The following DNAH10 variants were observed in gnomAD, a reference collection of about 807,000 sequenced individuals.
DNAH10 encodes the protein dynein axonemal heavy chain 10, also known as axonemal beta dynein heavy chain 10.
In DNAH10, 348 loss-of-function variants were observed where a neutral mutation model predicts 506.6. That is an observed-to-expected ratio of 0.69 (90% CI 0.63 to 0.75). DNAH10 has a LOEUF of 0.75. DNAH10 is among the 30% of genes least tolerant of loss of function. The pLI, the probability that DNAH10 is intolerant of heterozygous loss-of-function variation, is 0.00. For missense variants in DNAH10, 5,179 were observed against 5,787.1 expected (o/e 0.89, Z 3.41); for synonymous variants, 2,059 against 2,198.6 (o/e 0.94, Z 1.78).
At chr12:123,923,686 GCA>G in intron 65 of DNAH10, 75 bp from the exon 66 acceptor site, 2 of 944,126 alleles carry the variant, frequency 2.1e-6, no homozygotes, top group Non-Finnish European at 3.2e-6. Context: ...TTACGTTTAA[GCA>G]CAGTGTGCAT....
At chr12:123,779,731 C>T (rs1957574568) in intron 5 of DNAH10, among the ~76,000 whole-genome samples, 1 of 152,150 alleles carries the variant, frequency 6.6e-6, no homozygotes, top group Non-Finnish European at 1.5e-5. Flanking sequence ...GGAACTTCAA[C>T]TGCACAGTGA....
chr12:123,786,778 G>T (rs1467941496), intron 9 of DNAH10, among the ~76,000 whole-genome samples: 2 of 102,366 alleles, frequency 2.0e-5, no homozygotes, highest in Non-Finnish European at 4.2e-5. Flanking sequence ...CACCTTTGAG[G>T]GTGTAGGGAG....
Position 123,845,692 on chromosome 12 carries a change from C to A in DNAH10, c.5453C>A (p.Ala1818Glu), listed in dbSNP as rs150137374. 216 of 1,613,532 alleles carry A rather than the reference C, an allele frequency of 1.3e-4. No homozygotes were observed. Among genetic ancestry groups the A allele is most frequent in the African/African-American group, 6.0e-4 (45 of 74,910 alleles). Residue 1818 changes from alanine (A) to glutamate (E), a missense_variant, in exon 31 of 79, where the codon GCG becomes GAG. By Grantham distance (107) the Ala-to-Glu change is moderately radical. Around this residue, in one of 3 missense-constraint regions of DNAH10, gnomAD observed 4,844 missense variants for 5,430.5 expected, o/e 0.89. Transcript: ENST00000673944. The stretch of plus-strand genomic sequence containing the variant: ...GAGGTGGAAGACGTCTTCCACAAAG[C>A]GCAAAAAGGGGAGAAGCAGGCCATG... ...TWEVEDVFHK[A>E]QKGEKQAMKN...
At chr12:123,830,169 C>G (rs557141473) in intron 25 of DNAH10, among the ~76,000 whole-genome samples, 2 of 152,290 alleles carry the variant, frequency 1.3e-5, no homozygotes, top group South Asian at 4.2e-4. Flanking sequence ...AAATATTTAT[C>G]AAATGCACGA....
intron 56 of DNAH10, among the ~76,000 whole-genome samples, chr12:123,901,918 C>T (rs1953541464): frequency 6.6e-6 from 1 of 152,202 alleles, no homozygotes; most frequent in Non-Finnish European, 1.5e-5. Context: ...GCCTCGGCCT[C>T]CCAAAGTGCT....
intron 18 of DNAH10, among the ~76,000 whole-genome samples, chr12:123,807,846 G>GA (rs1594076828): frequency 1.3e-5 from 1 of 75,224 alleles, no homozygotes; most frequent in Non-Finnish European, 2.9e-5. Flanking sequence ...GAGAGAGGAA[G>GA]GGAGAAGCCT....
In DNAH10 at chr12:123,902,887, A is replaced by G. The variant is rs927034162; in HGVS notation, c.9641-52A>G. The stretch of plus-strand genomic sequence containing the variant: ...CACTCTGCTCAGAGCCGGGGCCGCG[A>G]GTGCATCTCCTCTGAGCCCAAGCTT... On this transcript the variant is annotated intron_variant, in intron 56 of 78. Transcript: ENST00000673944. This position sits in a 1 kb window ranked among gnomAD's most constrained non-coding sequence, Gnocchi z 4.5. 9 of 1,527,334 alleles carry G rather than the reference A, an allele frequency of 5.9e-6. No individual in the cohort carries two copies. The African/African-American group carries it at 1.2e-4, about 21-fold the overall frequency. The allele number at this position is 1,527,334 out of a possible 1,614,324, so 94.6% of individuals were successfully genotyped here.
chr12:123,811,466 G>A (rs1454209247), intron 19 of DNAH10, among the ~76,000 whole-genome samples: 2 of 151,812 alleles, frequency 1.3e-5, no homozygotes, highest in Non-Finnish European at 2.9e-5. Flanking sequence ...GGGACTACAG[G>A]CATGTGCCAT....
Position 123,902,160 on chromosome 12 carries a change from G to C in DNAH10, c.9641-779G>C, listed in dbSNP as rs1337206809. On this transcript the variant is annotated intron_variant, in intron 56 of 78. Coordinates refer to ENST00000673944, the MANE Select transcript of DNAH10 (RefSeq NM_001372106.1). This position sits in a 1 kb window ranked among gnomAD's most constrained non-coding sequence, Gnocchi z 4.5. Reference sequence around the variant, plus strand: ...CCATTGCCACACGCCCCTCTTCCCTGTGTGTCTGCACATGGCCTTCTGATA... The same window carrying C: ...CCATTGCCACACGCCCCTCTTCCCTCTGTGTCTGCACATGGCCTTCTGATA... Among the ~76,000 whole-genome samples, 8 of 152,156 alleles carry C rather than the reference G, an allele frequency of 5.3e-5. No individual in the cohort carries two copies. Among genetic ancestry groups the C allele is most frequent in the South Asian group, 2.1e-4 (1 of 4,832 alleles).
chr12:123,812,340 A>G (rs1958972810), intron 19 of DNAH10, among the ~76,000 whole-genome samples: 1 of 152,070 alleles, frequency 6.6e-6, no homozygotes, highest in Non-Finnish European at 1.5e-5. Context: ...AGTCCCAGCT[A>G]CTCGGGAGGC....
Position 123,903,515 on chromosome 12 carries a change from C to T in DNAH10, c.9815+402C>T, listed in dbSNP as rs535044064. ...TGCAGAGATGTGTGCACACCACGGCCGGACTGGCGATGCCTGAATCCATTT... is the reference window on the plus strand; with the variant it reads ...TGCAGAGATGTGTGCACACCACGGCTGGACTGGCGATGCCTGAATCCATTT... On this transcript the variant is annotated intron_variant, in intron 57 of 78. Transcript: ENST00000673944. The surrounding 1 kb of genome is among the most constrained non-coding windows in gnomAD (Gnocchi z 4.6). Among the ~76,000 whole-genome samples, 11 of 152,318 alleles carry T rather than the reference C, an allele frequency of 7.2e-5. No homozygotes were observed. In the South Asian group the frequency reaches 1.0e-3, roughly 14 times the overall value.
Position 123,771,659 on chromosome 12 carries a change from AG to A in DNAH10, c.358del (p.Glu120LysfsTer58). ...GCCAACCTCTAAACAGAGAGGATGA[AG>A]AAATGGACAAAGAGATTTCAGAAAA... ...LGQPLNREDE[E>X]MDKEISEKLP... On this transcript the variant is annotated frameshift_variant, in exon 3 of 79. Coordinates refer to ENST00000673944, the MANE Select transcript of DNAH10 (RefSeq NM_001372106.1). LOFTEE classifies it high-confidence loss of function. The A allele has an allele frequency of 6.2e-7, 1 of 1,613,458 alleles. No individual in the cohort carries two copies. Among genetic ancestry groups the A allele is most frequent in the South Asian group, 1.1e-5 (1 of 90,812 alleles).
At chr12:123,895,562 A>C (rs749923015) in intron 54 of DNAH10, among the ~76,000 whole-genome samples, 5 of 152,198 alleles carry the variant, frequency 3.3e-5, no homozygotes, top group Non-Finnish European at 7.3e-5. Flanking sequence ...TTTTATCATG[A>C]AAGCAGTCAT....
At chr12:123,885,518 C>T (rs897918423) in intron 51 of DNAH10, among the ~76,000 whole-genome samples, 3 of 151,864 alleles carry the variant, frequency 2.0e-5, no homozygotes, top group Non-Finnish European at 4.4e-5. Context: ...GGTAAGTTGG[C>T]AGGTTAAAGG....
chr12:123,769,034 T>C (rs565272799), intron 2 of DNAH10, among the ~76,000 whole-genome samples: 5 of 151,982 alleles, frequency 3.3e-5, no homozygotes, highest in Non-Finnish European at 7.4e-5. Flanking sequence ...CCACTGCTTC[T>C]GGCCAAGCAT....
Position 123,914,453 on chromosome 12 carries a change from A to T in DNAH10, c.10477A>T (p.Asn3493Tyr). The change falls in exon 61 of 79, where the codon AAT (asparagine) becomes TAT (tyrosine). Residue 3493 changes from asparagine to tyrosine, a missense_variant. Coordinates refer to ENST00000673944, the MANE Select transcript of DNAH10 (RefSeq NM_001372106.1). ...FTWEFRDEMV[N>Y]RIWQNDILER... is the part of the protein sequence containing the mutation. Reference sequence around the variant, plus strand: ...CTGGGAGTTCCGTGACGAGATGGTCAATCGGATTTGGCAAAATGACATCCT... The same window carrying T: ...CTGGGAGTTCCGTGACGAGATGGTCTATCGGATTTGGCAAAATGACATCCT... 1 of 1,613,844 alleles carries T rather than the reference A, an allele frequency of 6.2e-7. No homozygotes were observed. Among genetic ancestry groups the T allele is most frequent in the Non-Finnish European group, 8.5e-7 (1 of 1,179,906 alleles).
intron 17 of DNAH10, 49 bp from the exon 18 acceptor site, chr12:123,804,784 G>C: frequency 1.3e-6 from 2 of 1,571,674 alleles, no homozygotes; most frequent in Non-Finnish European, 1.7e-6. Context: ...TTTGAGTGCT[G>C]TCCTTCCCTG....
chr12:123,835,340 C>T, intron 27 of DNAH10, 66 bp from the exon 28 acceptor site: 1 of 1,566,186 alleles, frequency 6.4e-7, no homozygotes, highest in Non-Finnish European at 8.7e-7. Context: ...CAGGATGGGG[C>T]TTTGCCATCC....
chr12:123,839,456 G>A (rs59689760), intron 29 of DNAH10, among the ~76,000 whole-genome samples: 24,812 of 151,982 alleles, frequency 0.16, 6,000 homozygotes, highest in African/African-American at 0.53. Flanking sequence ...TGGAGCTGTT[G>A]TAAAAATGAA....
Sources: gnomAD v4.1 joint callset for allele counts (sites outside exome capture counted in the v4.1 genomes callset) on GRCh38, gnomAD v4.1.1 for gene constraint, gnomAD v4.1.1 regional missense constraint, Gnocchi (gnomAD v3.1) non-coding constraint, MANE v1.5 for transcripts, NCBI Gene and HGNC (gene_info 2026-07-23, HGNC 2026-07-21) for gene names.